Variants in ELMO1 observed in about 807,000 individuals in gnomAD.
ELMO1 encodes engulfment and cell motility 1.
ELMO1 carries 26 observed loss-of-function variants against 98.9 expected under a neutral mutation model. The ratio of observed to expected loss-of-function variants is 0.26; its 90% CI spans 0.19 to 0.36. ELMO1 has a LOEUF of 0.36. Ranked by LOEUF, ELMO1 falls within the 10% of genes least tolerant of loss-of-function variation. The pLI is 1.00. For synonymous variants in ELMO1, 346 were observed against 346.0 expected (o/e 1.00, Z 0.00); for missense variants, 627 against 935.2 (o/e 0.67, Z 4.30).
At chr7:37,206,524 C>A (rs1792632442) in intron 13 of ELMO1, among the ~76,000 whole-genome samples, 1 of 152,168 alleles carries the variant, frequency 6.6e-6, no homozygotes, top group Admixed American at 6.5e-5. Flanking sequence ...TCATTTCATT[C>A]CCTGCCATCT....
intron 15 of ELMO1, among the ~76,000 whole-genome samples, chr7:37,083,019 T>C (rs916585422): frequency 5.3e-5 from 8 of 152,128 alleles, no homozygotes; most frequent in African/African-American, 1.9e-4. Flanking sequence ...TAACAAGGAG[T>C]ACCACAGTAG....
intron 14 of ELMO1, among the ~76,000 whole-genome samples, chr7:37,128,281 G>C (rs1786667846): frequency 6.6e-6 from 1 of 152,144 alleles, no homozygotes; most frequent in Non-Finnish European, 1.5e-5. Flanking sequence ...CCATTATCTT[G>C]TCTCTGAAAA....
rs577682290 is a variant in ELMO1, at chr7:37,249,843, C to T, written c.414-5452G>A. ...CCTATAATCCCAGCACTTTGGGAGG[C>T]CAAGGCAGGAGGATTACTTGAGACC... On this transcript the variant is annotated intron_variant, in intron 6 of 21. Coordinates refer to ENST00000310758, the MANE Select transcript of ELMO1 (RefSeq NM_014800.11). 1.1e-4 allele frequency among the ~76,000 whole-genome samples: 17 copies of T among 152,274 alleles called. No individual in the cohort carries two copies. In the Middle Eastern group the frequency reaches 0.01, roughly 91 times the overall value.
At chr7:36,866,785 C>T (rs1412151031) in intron 20 of ELMO1, among the ~76,000 whole-genome samples, 3 of 152,172 alleles carry the variant, frequency 2.0e-5, no homozygotes, top group Non-Finnish European at 4.4e-5. Context: ...TGTGTACTGA[C>T]AGACCTCTTA....
chr7:36,894,657 C>G (rs534373494), intron 17 of ELMO1, among the ~76,000 whole-genome samples, 197 bp downstream of exon 17: 2 of 152,362 alleles, frequency 1.3e-5, no homozygotes, highest in South Asian at 2.1e-4. Flanking sequence ...CTTCCAGCAA[C>G]TGGCCCACTC....
chr7:37,146,511 C>A lies in ELMO1; in HGVS notation c.1087-13277G>T, dbSNP rs575932630. Among the ~76,000 whole-genome samples the A allele has an allele frequency of 2.0e-5, 3 of 152,180 alleles. No homozygotes were observed. In the East Asian group the frequency reaches 5.8e-4, roughly 29 times the overall value. On this transcript the variant is annotated intron_variant, in intron 13 of 21. Coordinates refer to ENST00000310758, the MANE Select transcript of ELMO1 (RefSeq NM_014800.11). ...GACTGCTTTAGATAGGACATACATT[C>A]TTTGAGTTGACATGGGCCCCACCAC...
intron 20 of ELMO1, among the ~76,000 whole-genome samples, chr7:36,865,679 T>C (rs898507280): frequency 5.3e-5 from 8 of 152,248 alleles, no homozygotes; most frequent in African/African-American, 1.7e-4. Context: ...TCAGATGCCA[T>C]GTCCTGCATC....
chr7:37,315,005 AGCACCCTGT>A lies in ELMO1; in HGVS notation c.120-92_120-84del. ...CAATTTTTTAGTGTTGGATGAACTA[AGCACCCTGT>A]GATTGGAATTGGACCAATCCCAACA... On this transcript the variant is annotated intron_variant, in intron 3 of 21. Coordinates refer to ENST00000310758, the MANE Select transcript of ELMO1 (RefSeq NM_014800.11). The A allele has an allele frequency of 1.6e-6, 2 of 1,246,014 alleles. 1 individual carries two copies. The highest frequency in any genetic ancestry group is 2.6e-5 in the South Asian group (2 of 77,790). The allele number at this position is 1,246,014 out of a possible 1,614,324, so 77.2% of individuals were successfully genotyped here.
At chr7:37,186,420 C>T (rs562127096) in intron 13 of ELMO1, among the ~76,000 whole-genome samples, 45 of 152,018 alleles carry the variant, frequency 3.0e-4, no homozygotes, top group African/African-American at 1.0e-3. Flanking sequence ...GTTATGACAC[C>T]AAAGGCATAA....
At chr7:37,036,481 C>T (rs116084003) in intron 15 of ELMO1, among the ~76,000 whole-genome samples, 5,038 of 152,276 alleles carry the variant, frequency 0.033, 138 homozygotes, top group African/African-American at 0.07. Flanking sequence ...GCAATCCTCC[C>T]ACCTCTGGCT....
intron 4 of ELMO1, among the ~76,000 whole-genome samples, chr7:37,283,387 T>C (rs1457201357): frequency 6.6e-6 from 1 of 152,196 alleles, no homozygotes; most frequent in Non-Finnish European, 1.5e-5. Context: ...TTTCACATGA[T>C]AGGAGCCAGC....
chr7:37,111,137 C>T (rs1429577380), intron 14 of ELMO1, among the ~76,000 whole-genome samples: 2 of 152,188 alleles, frequency 1.3e-5, no homozygotes, highest in Non-Finnish European at 2.9e-5. Context: ...TTCCTTGGGG[C>T]TCTTGGTCCA....
At chr7:36,966,427 T>C (rs1481102607) in intron 16 of ELMO1, among the ~76,000 whole-genome samples, 1 of 152,234 alleles carries the variant, frequency 6.6e-6, no homozygotes. Context: ...CTGTATCTAC[T>C]GCTCCCCAAA....
chr7:37,358,687 T>C (rs1319535454), intron 1 of ELMO1, among the ~76,000 whole-genome samples: 1 of 152,132 alleles, frequency 6.6e-6, no homozygotes, highest in East Asian at 1.9e-4. Flanking sequence ...GATTTGAAAC[T>C]CCTACAAACT....
chr7:36,951,407 T>C (rs1296029344), intron 16 of ELMO1, among the ~76,000 whole-genome samples: 2 of 152,220 alleles, frequency 1.3e-5, no homozygotes, highest in Admixed American at 1.3e-4. Context: ...CTCTCTCCTG[T>C]TTTTGCTCAT....
chr7:37,049,793 T>C (rs949784829), intron 15 of ELMO1, among the ~76,000 whole-genome samples: 1 of 150,486 alleles, frequency 6.6e-6, no homozygotes, highest in Non-Finnish European at 1.5e-5. Flanking sequence ...TTTTTTTTTT[T>C]TGAGATGGAG....
chr7:37,161,992 T>C (rs1211489149), intron 13 of ELMO1, among the ~76,000 whole-genome samples: 1 of 124,036 alleles, frequency 8.1e-6, no homozygotes, highest in Non-Finnish European at 1.7e-5. Context: ...TGTAAATAGG[T>C]CAACACAAAA....
intron 15 of ELMO1, among the ~76,000 whole-genome samples, chr7:37,083,356 C>T (rs1783580006): frequency 6.6e-6 from 1 of 152,024 alleles, no homozygotes; most frequent in African/African-American, 2.4e-5. Context: ...CAGAAGCTCC[C>T]CAAAGTGAAT....
chr7:37,361,796 A>G (rs1363404604), intron 1 of ELMO1, among the ~76,000 whole-genome samples: 1 of 146,210 alleles, frequency 6.8e-6, no homozygotes, highest in East Asian at 3.0e-4. Flanking sequence ...CTGTTTCTAT[A>G]AAAAAGACAA....
Sources: allele counts gnomAD v4.1 joint callset (sites outside exome capture counted in the v4.1 genomes callset), GRCh38; gene constraint gnomAD v4.1.1; transcripts MANE v1.5; gene names NCBI Gene and HGNC (gene_info 2026-07-23, HGNC 2026-07-21).